The following PSMG2 variants were observed in gnomAD, a reference collection of about 807,000 sequenced individuals.
PSMG2 encodes CD40 ligand-activated specific transcript 3.
Under a neutral mutation model 31.5 loss-of-function variants are expected in PSMG2, and 21 were observed. The ratio of observed to expected loss-of-function variants is 0.67; its 90% CI spans 0.47 to 0.96. The LOEUF is 0.96. PSMG2 is among the 40% of genes least tolerant of loss of function. The pLI is 0.00. For synonymous variants in PSMG2, 120 were observed against 110.4 expected (o/e 1.09, Z -0.54); for missense variants, 318 against 321.2 (o/e 0.99, Z 0.08).
intron 1 of PSMG2, among the ~76,000 whole-genome samples, chr18:12,679,642 TA>T (rs931300192): frequency 2.6e-5 from 4 of 152,166 alleles, no homozygotes; most frequent in Non-Finnish European, 5.9e-5. Context: ...AATGACAGGC[TA>T]AAGTACTTTA....
intron 3 of PSMG2, among the ~76,000 whole-genome samples, chr18:12,717,857 G>T (rs1281884746): frequency 6.6e-6 from 1 of 152,036 alleles, no homozygotes; most frequent in Non-Finnish European, 1.5e-5. Flanking sequence ...CAAATTTCTG[G>T]CAAGAACCCT....
At chr18:12,664,431 TC>T (rs1176448043) in intron 1 of PSMG2, among the ~76,000 whole-genome samples, 1 of 151,548 alleles carries the variant, frequency 6.6e-6, no homozygotes, top group Non-Finnish European at 1.5e-5. Context: ...GTGCCTGTAG[TC>T]CCAGCTACTC....
chr18:12,684,636 A>T (rs910314000), intron 1 of PSMG2: 2 of 151,856 alleles, frequency 1.3e-5, no homozygotes, highest in Non-Finnish European at 2.9e-5. Flanking sequence ...GCCCGCCACC[A>T]TGGCTGGCTA....
chr18:12,703,488 C>T lies in PSMG2; in HGVS notation c.57+324C>T, dbSNP rs554917234. Among the ~76,000 whole-genome samples, 11 of 152,318 alleles carry T rather than the reference C, an allele frequency of 7.2e-5. No individual in the cohort carries two copies. The South Asian group carries it at 2.3e-3, about 32-fold the overall frequency. The stretch of plus-strand genomic sequence containing the variant: ...TTTATCCTAGAAAGTCTTTCTACGA[C>T]TAGTTTTAGAATTAGTCTTAAGCTA... On this transcript the variant is annotated intron_variant, in intron 1 of 6. Transcript: ENST00000317615.
rs548642491 is a variant in PSMG2 at position 12,705,576 on chromosome 18, A to AGTGTGT, written c.58-951_58-946dup. Among the ~76,000 whole-genome samples the AGTGTGT allele has an allele frequency of 8.8e-3, 1,143 of 129,722 alleles. 23 individuals are homozygous for AGTGTGT. Among genetic ancestry groups the AGTGTGT allele is most frequent in the African/African-American group, 0.032 (1,061 of 33,072 alleles). The allele number at this position is 129,722 out of a possible 152,430, so 85.1% of individuals were successfully genotyped here. A position where few individuals can be genotyped will look rare whatever the true frequency, so the allele number is the denominator to read the frequency against. On this transcript the variant is annotated intron_variant, in intron 1 of 6. Coordinates refer to ENST00000317615, the MANE Select transcript of PSMG2 (RefSeq NM_020232.5). ...GAGAGAGAGAGAGAGAGAGAGAGAG[A>AGTGTGT]GTGTGTGTGTGTGTGTGTGTGTGTG...
At chr18:12,716,427 C>A (rs1033959002) in intron 3 of PSMG2, among the ~76,000 whole-genome samples, 1 of 149,084 alleles carries the variant, frequency 6.7e-6, no homozygotes, top group African/African-American at 2.5e-5. Flanking sequence ...GGAGTCTCGC[C>A]CTGTTGCGCA....
chr18:12,678,154 A>G (rs1172788781), intron 1 of PSMG2: 2 of 1,613,870 alleles, frequency 1.2e-6, no homozygotes, highest in Non-Finnish European at 1.7e-6. Context: ...TTTCAATTTC[A>G]TTACTTGTTA....
intron 1 of PSMG2, among the ~76,000 whole-genome samples, chr18:12,694,891 A>G (rs1444898398): frequency 2.7e-5 from 4 of 145,832 alleles, no homozygotes; most frequent in East Asian, 4.0e-4. Context: ...TTTTTTTTGT[A>G]TTTTTAGTAG....
intron 3 of PSMG2, among the ~76,000 whole-genome samples, chr18:12,716,586 G>C (rs574441662): frequency 6.6e-6 from 1 of 151,878 alleles, no homozygotes; most frequent in South Asian, 2.1e-4. Flanking sequence ...AGTAGAGACG[G>C]GGTTTCACCG....
In PSMG2 at chr18:12,674,161, G is replaced by C. The variant is rs564866905; in HGVS notation, c.-37+15388G>C. Among the ~76,000 whole-genome samples, 3 of 152,174 alleles carry C rather than the reference G, an allele frequency of 2.0e-5. No individual in the cohort carries two copies. The East Asian group carries it at 5.8e-4, about 29-fold the overall frequency. On this transcript the variant is annotated intron_variant, in intron 1 of 6. Transcript: ENST00000585331. The stretch of plus-strand genomic sequence containing the variant: ...CTAAATAACTACCAGATTAGGCTGG[G>C]TGCAACGGCTCACACCTGTAATCCC...
At chr18:12,666,382 A>G (rs913147684) in intron 1 of PSMG2, among the ~76,000 whole-genome samples, 2 of 151,422 alleles carry the variant, frequency 1.3e-5, no homozygotes, top group African/African-American at 2.4e-5. Flanking sequence ...TCATTCTTCA[A>G]CTGTGATATT....
chr18:12,712,037 G>C (rs763794766), intron 2 of PSMG2, among the ~76,000 whole-genome samples: 2 of 152,114 alleles, frequency 1.3e-5, no homozygotes, highest in Non-Finnish European at 2.9e-5. Flanking sequence ...GATTACAGGC[G>C]TGAGCCACCA....
At chr18:12,681,911 G>A (rs1057115846) in intron 1 of PSMG2, among the ~76,000 whole-genome samples, 5 of 151,752 alleles carry the variant, frequency 3.3e-5, no homozygotes, top group Non-Finnish European at 7.4e-5. Context: ...CAGGAGAATC[G>A]CTTGAACCTG....
chr18:12,688,454 C>T (rs1048347415), intron 1 of PSMG2, among the ~76,000 whole-genome samples: 2 of 152,130 alleles, frequency 1.3e-5, no homozygotes, highest in Non-Finnish European at 2.9e-5. Flanking sequence ...AGGACTGTTA[C>T]TCCTATTCTT....
At position 12,703,094 on chromosome 18, in the gene PSMG2, A is replaced by C. The variant is rs2040214013; in HGVS notation, c.-14A>C. On this transcript the variant is annotated 5_prime_UTR_variant, in exon 1 of 7. Coordinates refer to ENST00000317615, the MANE Select transcript of PSMG2 (RefSeq NM_020232.5). ...GGGCCGCGGTTAGTCCCTGCTGGCCACCCCACTGCGACCATGTTCGTTCCC... is the reference window on the plus strand; with the variant it reads ...GGGCCGCGGTTAGTCCCTGCTGGCCCCCCCACTGCGACCATGTTCGTTCCC... The C allele has an allele frequency of 6.2e-7, 1 of 1,611,010 alleles. No individual in the cohort carries two copies. The highest frequency in any genetic ancestry group is 1.3e-5 in the African/African-American group (1 of 74,762).
intron 1 of PSMG2, among the ~76,000 whole-genome samples, chr18:12,665,375 C>T (rs2038782708): frequency 1.3e-5 from 2 of 152,040 alleles, no homozygotes; most frequent in Admixed American, 1.3e-4. Flanking sequence ...TGCAGTGAAT[C>T]GAGTTCATGC....
intron 6 of PSMG2, 116 bp downstream of exon 6, chr18:12,724,735 T>C (rs2040459883): frequency 9.1e-7 from 1 of 1,103,588 alleles, no homozygotes; most frequent in Non-Finnish European, 1.2e-6. Context: ...TATAGACATA[T>C]CTTTACATAA....
At chr18:12,716,022 C>T (rs2040372940) in intron 3 of PSMG2, among the ~76,000 whole-genome samples, 1 of 152,186 alleles carries the variant, frequency 6.6e-6, no homozygotes, top group South Asian at 2.1e-4. Flanking sequence ...CATCTAGCTT[C>T]CTTTCTTAAC....
chr18:12,722,724 GTAATAA>G (rs2040441831), intron 5 of PSMG2, among the ~76,000 whole-genome samples: 1 of 152,194 alleles, frequency 6.6e-6, no homozygotes, highest in South Asian at 2.1e-4. Flanking sequence ...AAATAAAAAA[GTAATAA>G]TAATAGTCAT....
Sources: gnomAD v4.1 joint callset for allele counts (sites outside exome capture counted in the v4.1 genomes callset) on GRCh38, gnomAD v4.1.1 for gene constraint, MANE v1.5 for transcripts, NCBI Gene and HGNC (gene_info 2026-07-23, HGNC 2026-07-21) for gene names.